Variants in IFT43 observed in about 807,000 individuals in gnomAD.
IFT43 encodes the protein intraflagellar transport protein 43 homolog.
IFT43 carries 33 observed loss-of-function variants against 32.3 expected under a neutral mutation model. The observed-to-expected ratio is 1.02, with a 90% CI of 0.77 to 1.37. The LOEUF (loss-of-function observed/expected upper bound fraction) is 1.37. Ranked by LOEUF, IFT43 falls within the 40% of genes most tolerant of loss-of-function variation. The probability of loss-of-function intolerance (pLI) is 0.00; values close to 1 mark genes in which losing one functional copy is unlikely to be tolerated. For synonymous variants in IFT43, 93 were observed against 98.2 expected (o/e 0.95, Z 0.31); for missense variants, 274 against 265.9 (o/e 1.03, Z -0.21).
At chr14:76,062,237 A>G (rs930625377) in intron 5 of IFT43, among the ~76,000 whole-genome samples, 2 of 151,358 alleles carry the variant, frequency 1.3e-5, no homozygotes, top group African/African-American at 4.9e-5. Flanking sequence ...CGCCCAGCTA[A>G]TTTTTTGTAT....
At chr14:75,991,802 G>A (rs1216825184) in intron 2 of IFT43, among the ~76,000 whole-genome samples, 4 of 152,132 alleles carry the variant, frequency 2.6e-5, no homozygotes, top group African/African-American at 9.7e-5. Flanking sequence ...TGTTGCCTCT[G>A]AAAGCAAGAT....
intron 3 of IFT43, among the ~76,000 whole-genome samples, chr14:76,045,487 A>G (rs2036789406): frequency 6.6e-6 from 1 of 152,272 alleles, no homozygotes; most frequent in Admixed American, 6.5e-5. Flanking sequence ...TGCAGTCAAC[A>G]GAAAATCCCA....
At chr14:76,045,635 G>A (rs1259578949) in intron 3 of IFT43, among the ~76,000 whole-genome samples, 2 of 152,194 alleles carry the variant, frequency 1.3e-5, no homozygotes, top group African/African-American at 4.8e-5. Flanking sequence ...CTTAGCGTGT[G>A]GGCCTTTGTC....
intron 2 of IFT43, among the ~76,000 whole-genome samples, chr14:75,990,454 T>C (rs2035614940): frequency 6.6e-6 from 1 of 152,220 alleles, no homozygotes; most frequent in Non-Finnish European, 1.5e-5. Context: ...TCATAAGATA[T>C]GAGCATCTGG....
intron 2 of IFT43, among the ~76,000 whole-genome samples, chr14:76,011,858 G>A (rs954470692): frequency 1.3e-5 from 2 of 152,182 alleles, no homozygotes; most frequent in African/African-American, 2.4e-5. Context: ...GGAACTGTGC[G>A]TGGAGGACAG....
intron 1 of IFT43, among the ~76,000 whole-genome samples, chr14:75,988,560 C>T (rs1225460710): frequency 6.6e-6 from 1 of 152,072 alleles, no homozygotes; most frequent in Admixed American, 6.6e-5. Context: ...GCTCTGTCAC[C>T]CAGGCTGGAG....
At chr14:76,062,626 C>T (rs1176625859) in intron 5 of IFT43, among the ~76,000 whole-genome samples, 4 of 151,878 alleles carry the variant, frequency 2.6e-5, no homozygotes, top group Non-Finnish European at 5.9e-5. Flanking sequence ...GTTGAAAATG[C>T]GTTAAGTCAG....
At position 76,069,374 on chromosome 14, in the gene IFT43, G is replaced by C. The variant is rs1295598245; in HGVS notation, c.295+10001G>C. On this transcript the variant is annotated intron_variant, in intron 5 of 8. Transcript: ENST00000314067. ...GAGCAGAGTAGAGTTGTCAGAAAAGGGGGGTATGAAGTCAGGGGCCCTGGA... is the reference window on the plus strand; with the variant it reads ...GAGCAGAGTAGAGTTGTCAGAAAAGCGGGGTATGAAGTCAGGGGCCCTGGA... Among the ~76,000 whole-genome samples the C allele has an allele frequency of 3.3e-5, 5 of 152,114 alleles. No homozygotes were observed. In the East Asian group the frequency reaches 5.8e-4, roughly 18 times the overall value.
chr14:76,047,972 G>A (rs111953499), intron 3 of IFT43, among the ~76,000 whole-genome samples: 2 of 152,164 alleles, frequency 1.3e-5, no homozygotes, highest in East Asian at 3.9e-4. Context: ...GGCCCCTTCC[G>A]TTTGGAGATG....
At position 76,010,468 on chromosome 14, in the gene IFT43, A is replaced by G. The variant is rs145710912; in HGVS notation, c.148-11859A>G. 2.8e-3 allele frequency among the ~76,000 whole-genome samples: 422 copies of G among 152,260 alleles called. 4 individuals carry two copies. Among genetic ancestry groups the G allele is most frequent in the African/African-American group, 9.7e-3 (401 of 41,554 alleles). ...TTTTAACTTTTCATTAAAATGAGAAACACCCAGAAAAGTAGAAAAAATTAG... is the reference window on the plus strand; with the variant it reads ...TTTTAACTTTTCATTAAAATGAGAAGCACCCAGAAAAGTAGAAAAAATTAG... On this transcript the variant is annotated intron_variant, in intron 2 of 8. Transcript: ENST00000314067.
intron 2 of IFT43, among the ~76,000 whole-genome samples, chr14:76,008,832 A>G (rs542757339): frequency 6.6e-6 from 1 of 152,328 alleles, no homozygotes; most frequent in Admixed American, 6.5e-5. Flanking sequence ...TCAAGCTGTT[A>G]CTAATATGAT....
chr14:76,000,390 G>C (rs1171378277), intron 2 of IFT43, among the ~76,000 whole-genome samples: 1 of 148,794 alleles, frequency 6.7e-6, no homozygotes, highest in South Asian at 2.2e-4. Flanking sequence ...TCAGCCTCCC[G>C]AGTAGCTAGG....
chr14:75,986,016 C>T (rs1196164392), intron 1 of IFT43, 176 bp downstream of exon 1: 2 of 1,526,090 alleles, frequency 1.3e-6, no homozygotes, highest in Non-Finnish European at 1.8e-6. Flanking sequence ...GGCTCCGCCG[C>T]TGCTGGCCTG....
At chr14:76,010,862 T>C (rs2139923857) in intron 2 of IFT43, among the ~76,000 whole-genome samples, 1 of 151,804 alleles carries the variant, frequency 6.6e-6, no homozygotes, top group East Asian at 1.9e-4. Flanking sequence ...TTCTTTTAAG[T>C]CTCTTTTAAT....
At chr14:76,015,559 GA>G (rs1239912687) in intron 2 of IFT43, among the ~76,000 whole-genome samples, 4 of 152,104 alleles carry the variant, frequency 2.6e-5, no homozygotes, top group Non-Finnish European at 4.4e-5. Flanking sequence ...AGTTATTAGT[GA>G]AAAAAATCCT....
At position 76,001,559 on chromosome 14, in the gene IFT43, C is replaced by T. The variant is rs76096256; in HGVS notation, c.147+12582C>T. On this transcript the variant is annotated intron_variant, in intron 2 of 8. Coordinates refer to ENST00000314067, the MANE Select transcript of IFT43 (RefSeq NM_001102564.3). ...AGCATGAATTTGTTAGGCCTTAATT[C>T]GCATGGTTGTGCAAGTTTCTCCAAC... Among the ~76,000 whole-genome samples the T allele has an allele frequency of 9.1e-3, 1,389 of 152,252 alleles. 16 individuals are homozygous for T. Among genetic ancestry groups the T allele is most frequent in the South Asian group, 0.033 (161 of 4,824 alleles).
At position 75,985,817 on chromosome 14, in the gene IFT43, C is replaced by CTTCG; in HGVS notation, c.32_35dup (p.Tyr13SerfsTer43). On this transcript the variant is annotated frameshift_variant, in exon 1 of 9. Coordinates refer to ENST00000314067, the MANE Select transcript of IFT43 (RefSeq NM_001102564.3). LOFTEE classifies it high-confidence loss of function. ...GGATTTGCTCGACTTGGACGAGGAG[C>CTTCG]TTCGCTACAGCTTGGCTACCTCCGT... 1 of 1,614,140 alleles carries CTTCG rather than the reference C, an allele frequency of 6.2e-7. No individual in the cohort carries two copies. The highest frequency in any genetic ancestry group is 8.5e-7 in the Non-Finnish European group (1 of 1,180,010).
chr14:75,995,930 GAC>G (rs1374189313), intron 2 of IFT43, among the ~76,000 whole-genome samples: 1 of 152,164 alleles, frequency 6.6e-6, no homozygotes. Context: ...GTGCATCGCT[GAC>G]CCATCCCTGG....
At chr14:76,006,458 C>G in intron 2 of IFT43, among the ~76,000 whole-genome samples, 1 of 152,164 alleles carries the variant, frequency 6.6e-6, no homozygotes, top group South Asian at 2.1e-4. Context: ...GAGAAATTAA[C>G]CTGGGGCTTG....
Sources: allele counts gnomAD v4.1 joint callset (sites outside exome capture counted in the v4.1 genomes callset), GRCh38; gene constraint gnomAD v4.1.1; transcripts MANE v1.5; gene names NCBI Gene and HGNC (gene_info 2026-07-23, HGNC 2026-07-21).